PACRG: variants seen among roughly 807,000 people sequenced by gnomAD.
PACRG encodes parkin coregulated gene protein.
PACRG carries 29 observed loss-of-function variants against 29.7 expected under a neutral mutation model. That is an observed-to-expected ratio of 0.98 (90% CI 0.73 to 1.33). PACRG has a LOEUF of 1.33. Among genes scored for constraint, PACRG ranks in the 40% most tolerant of loss-of-function variants. The probability of loss-of-function intolerance (pLI) is 0.00; values close to 1 mark genes in which losing one functional copy is unlikely to be tolerated. For synonymous variants in PACRG, 116 were observed against 118.7 expected (o/e 0.98, Z 0.15); for missense variants, 279 against 316.2 (o/e 0.88, Z 0.89).
chr6:163,060,578 A>G (rs1347476720), intron 2 of PACRG, among the ~76,000 whole-genome samples: 2 of 152,208 alleles, frequency 1.3e-5, no homozygotes, highest in African/African-American at 4.8e-5. Context: ...TCCAGTTCCA[A>G]CAGAGGATCT....
intron 4 of PACRG, among the ~76,000 whole-genome samples, chr6:163,255,630 G>A (rs909575209): frequency 6.9e-6 from 1 of 145,010 alleles, no homozygotes; most frequent in African/African-American, 2.4e-5. Context: ...TCTTCTTCTT[G>A]TTCTTTTTTT....
chr6:162,914,486 T>G (rs1330280209), intron 2 of PACRG, among the ~76,000 whole-genome samples: 1 of 147,492 alleles, frequency 6.8e-6, no homozygotes, highest in African/African-American at 2.5e-5. Flanking sequence ...GTACATAAGG[T>G]CTCAAAGTTT....
chr6:162,811,446 G>A (rs1269000366), intron 1 of PACRG, among the ~76,000 whole-genome samples: 2 of 152,108 alleles, frequency 1.3e-5, no homozygotes, highest in African/African-American at 4.8e-5. Context: ...ATAGGAAGCA[G>A]ATTCTTTGAG....
rs568226640 is a variant in PACRG at position 162,739,705 on chromosome 6, G to T, written c.156+11314G>T. 1.8e-3 allele frequency among the ~76,000 whole-genome samples: 268 copies of T among 152,066 alleles called. 1 individual carries two copies. The highest frequency in any genetic ancestry group is 6.3e-3 in the African/African-American group (261 of 41,500). ...AAAATACAAAAAATTAGCTGCATGT[G>T]GTGGCAGGTGTCTGTAGTCCCAGCT... is the stretch of plus-strand genomic sequence containing the variant. On this transcript the variant is annotated intron_variant, in intron 1 of 4. Coordinates refer to ENST00000366888, the MANE Select transcript of PACRG (RefSeq NM_001080379.2).
chr6:162,974,933 C>T (rs984383193), intron 2 of PACRG, among the ~76,000 whole-genome samples: 8 of 152,166 alleles, frequency 5.3e-5, no homozygotes, highest in African/African-American at 1.4e-4. Context: ...TCTTTTGCCA[C>T]GGCTTGCTAT....
intron 1 of PACRG, among the ~76,000 whole-genome samples, chr6:162,770,802 G>A (rs1783159363): frequency 6.6e-6 from 1 of 152,104 alleles, no homozygotes; most frequent in Non-Finnish European, 1.5e-5. Flanking sequence ...AAACAACTTG[G>A]TGCCCTAGTA....
intron 2 of PACRG, among the ~76,000 whole-genome samples, chr6:162,844,191 C>T (rs1266185843): frequency 6.7e-6 from 1 of 150,338 alleles, no homozygotes; most frequent in African/African-American, 2.4e-5. Context: ...GCGCCCCTCC[C>T]CCAGCCTCGC....
chr6:162,981,305 A>ATATATATATT (rs925663285), intron 2 of PACRG, among the ~76,000 whole-genome samples: 8 of 149,158 alleles, frequency 5.4e-5, no homozygotes, highest in African/African-American at 2.0e-4. Flanking sequence ...ATATATATAT[A>ATATATATATT]TTTACAATGG....
At chr6:163,240,392 A>G (rs1441762642) in intron 4 of PACRG, among the ~76,000 whole-genome samples, 2 of 152,200 alleles carry the variant, frequency 1.3e-5, no homozygotes, top group Non-Finnish European at 1.5e-5. Flanking sequence ...TTTAAGAGAC[A>G]AGCTCTGTAC....
intron 2 of PACRG, among the ~76,000 whole-genome samples, chr6:162,992,367 T>C (rs1294360545): frequency 2.3e-5 from 3 of 132,902 alleles, no homozygotes; most frequent in East Asian, 4.5e-4. Flanking sequence ...ATCCATCTGG[T>C]CCTGGACTCT....
chr6:163,033,394 AG>A (rs1223911480), intron 2 of PACRG, among the ~76,000 whole-genome samples: 1 of 152,258 alleles, frequency 6.6e-6, no homozygotes, highest in Non-Finnish European at 1.5e-5. Context: ...CAAAAGTCAA[AG>A]AAACAGTGTA....
chr6:163,240,899 C>T (rs1782480213), intron 4 of PACRG, among the ~76,000 whole-genome samples: 1 of 152,194 alleles, frequency 6.6e-6, no homozygotes, highest in Non-Finnish European at 1.5e-5. Flanking sequence ...GGGGCTTGCC[C>T]TTTTGCTTCT....
intron 2 of PACRG, among the ~76,000 whole-genome samples, chr6:162,854,930 C>T (rs959113647): frequency 6.6e-6 from 1 of 152,244 alleles, no homozygotes; most frequent in Non-Finnish European, 1.5e-5. Flanking sequence ...CGCCCTTCCT[C>T]TTATCACCGT....
At chr6:162,992,703 A>G (rs1423096026) in intron 2 of PACRG, among the ~76,000 whole-genome samples, 1 of 114,872 alleles carries the variant, frequency 8.7e-6, no homozygotes, top group African/African-American at 3.5e-5. Flanking sequence ...TCCTGGATTC[A>G]TTGATTTTTT....
At position 163,057,547 on chromosome 6, in the gene PACRG, C is replaced by T. The variant is rs1309782899; in HGVS notation, c.292-4603C>T. ...CCTCCCATCTCAGCCTCCCAAATAGCTGGGACCACAGGTGTGTGCCACAAC... is the reference window on the plus strand; with the variant it reads ...CCTCCCATCTCAGCCTCCCAAATAGTTGGGACCACAGGTGTGTGCCACAAC... On this transcript the variant is annotated intron_variant, in intron 2 of 4. Transcript: ENST00000366888. Among the ~76,000 whole-genome samples the T allele has an allele frequency of 3.3e-5, 5 of 152,140 alleles. No individual in the cohort carries two copies. In the East Asian group the frequency reaches 9.6e-4, roughly 29 times the overall value.
At chr6:162,780,226 A>G (rs1783991708) in intron 1 of PACRG, among the ~76,000 whole-genome samples, 2 of 152,302 alleles carry the variant, frequency 1.3e-5, no homozygotes, top group South Asian at 4.1e-4. Context: ...TTAATATTTC[A>G]AGGGGCATTG....
intron 4 of PACRG, among the ~76,000 whole-genome samples, chr6:163,234,375 C>A (rs1323728538): frequency 6.6e-6 from 1 of 152,112 alleles, no homozygotes; most frequent in Non-Finnish European, 1.5e-5. Context: ...AAGAACCTGG[C>A]AGCTCCTCCT....
chr6:162,995,287 C>G (rs988788860), intron 2 of PACRG, among the ~76,000 whole-genome samples: 1 of 150,090 alleles, frequency 6.7e-6, no homozygotes, highest in Non-Finnish European at 1.5e-5. Flanking sequence ...AGCTTCCCGG[C>G]TGCTTTGTTT....
chr6:163,072,664 A>T (rs1812177733), intron 3 of PACRG, among the ~76,000 whole-genome samples: 2 of 152,172 alleles, frequency 1.3e-5, no homozygotes, highest in Non-Finnish European at 2.9e-5. Flanking sequence ...GAAGAAGTCA[A>T]ATTATCCTTG....
Sources: allele counts gnomAD v4.1 joint callset (sites outside exome capture counted in the v4.1 genomes callset), GRCh38; gene constraint gnomAD v4.1.1; transcripts MANE v1.5; gene names NCBI Gene and HGNC (gene_info 2026-07-23, HGNC 2026-07-21).